ABCA2: variants seen among roughly 807,000 people sequenced by gnomAD.
The protein encoded by ABCA2 is ATP-binding cassette sub-family A member 2.
A neutral mutation model predicts 262.8 loss-of-function variants in ABCA2; 84 were observed. The observed-to-expected ratio is 0.32, with a 90% CI of 0.27 to 0.38. The LOEUF is 0.38. Among genes scored for constraint, ABCA2 ranks in the 10% least tolerant of loss-of-function variants. ABCA2 has a pLI of 1.00. For synonymous variants in ABCA2, 1,696 were observed against 1,502.9 expected (o/e 1.13, Z -2.97); for missense variants, 2,662 against 3,405.9 (o/e 0.78, Z 5.44).
chr9:137,009,332 G>C, intron 45 of ABCA2, 38 bp downstream of exon 45: 10 of 980,354 alleles, frequency 1.0e-5, no homozygotes, highest in South Asian at 5.6e-5. Flanking sequence ...CCCCCCCCGG[G>C]CCCGCCCCAG....
In ABCA2 at chr9:137,011,528, G is replaced by T; in HGVS notation, c.5678C>A (p.Pro1893Gln). 6.3e-7 allele frequency: 1 copy of T among 1,590,354 alleles called. No individual in the cohort carries two copies. Among genetic ancestry groups the T allele is most frequent in the Non-Finnish European group, 8.6e-7 (1 of 1,168,532 alleles). ...YGWSITPIMY[P>Q]ASFWFEVPSS... ...GGGGACCTCGAACCAGAAGGAGGCCGGGTACATGATGGGCGTGATGGACCA... is the reference window on the plus strand; with the variant it reads ...GGGGACCTCGAACCAGAAGGAGGCCTGGTACATGATGGGCGTGATGGACCA... Residue 1893 changes from proline (P) to glutamine (Q), a missense_variant, in exon 37 of 49, where the codon CCG becomes CAG. By Grantham distance (76) the Pro-to-Gln change is moderately conservative (BLOSUM62 -1). This residue lies in a region of ABCA2 where 602 missense variants were observed against 897.4 expected (regional missense o/e 0.67). Transcript: ENST00000341511. The surrounding 1 kb of genome is among the most constrained non-coding windows in gnomAD (Gnocchi z 8.8).
At position 137,019,140 on chromosome 9, in the gene ABCA2, C is replaced by T. The variant is rs746767961; in HGVS notation, c.1554+38G>A. ...GCCGGGCAGAGAGGGGCTCCCCACA[C>T]CACCCACAGCCGCCTCCCTCGCGGG... On this transcript the variant is annotated intron_variant, in intron 11 of 48. Coordinates refer to ENST00000341511, the MANE Select transcript of ABCA2 (RefSeq NM_001606.5). The surrounding 1 kb of genome is among the most constrained non-coding windows in gnomAD (Gnocchi z 4.4). 6.2e-7 allele frequency: 1 copy of T among 1,604,298 alleles called. No homozygotes were observed. The highest frequency in any genetic ancestry group is 8.5e-7 in the Non-Finnish European group (1 of 1,174,138).
intron 1 of ABCA2, among the ~76,000 whole-genome samples, chr9:137,026,044 G>C (rs1340427067): frequency 6.6e-6 from 1 of 152,188 alleles, no homozygotes; most frequent in East Asian, 1.9e-4. Context: ...CGCCTACTGT[G>C]TCGGGGGGAG....
intron 45 of ABCA2, 136 bp downstream of exon 45, chr9:137,009,234 C>T (rs557400743): frequency 8.3e-6 from 6 of 719,738 alleles, no homozygotes; most frequent in African/African-American, 1.8e-5. Context: ...TGCCCCAGTC[C>T]CCCCAGCCCC....
chr9:137,021,723 C>A lies in ABCA2; in HGVS notation c.679-113G>T, dbSNP rs1831460205. 3 of 1,283,602 alleles carry A rather than the reference C, an allele frequency of 2.3e-6. No homozygotes were observed. The highest frequency in any genetic ancestry group is 3.0e-5 in the African/African-American group (2 of 67,644). The allele number at this position is 1,283,602 out of a possible 1,614,324, so 79.5% of individuals were successfully genotyped here. On this transcript the variant is annotated intron_variant, in intron 7 of 48. Transcript: ENST00000341511. The surrounding 1 kb of genome is among the most constrained non-coding windows in gnomAD (Gnocchi z 6.0). ...TGGCTGGCTCTGGGGCTGCCTGGGTCCCACGACATGCCTCTACCCCTCATG... is the reference window on the plus strand; with the variant it reads ...TGGCTGGCTCTGGGGCTGCCTGGGTACCACGACATGCCTCTACCCCTCATG...
At chr9:137,017,400 G>A in intron 17 of ABCA2, 54 bp from the exon 18 acceptor site, 1 of 1,606,982 alleles carries the variant, frequency 6.2e-7, no homozygotes, top group Non-Finnish European at 8.5e-7. Flanking sequence ...CCGGCCTCCT[G>A]GGCAGGCCCG....
chr9:137,023,791 C>G lies in ABCA2; in HGVS notation c.163+47G>C, dbSNP rs796767362. ...AAGCCAGGACGGCCCATGGGCCCCC[C>G]GCAGCTGCTGCCCAGGCCAGCCAGG... On this transcript the variant is annotated intron_variant, in intron 3 of 48. Transcript: ENST00000341511. 15 of 739,074 alleles carry G rather than the reference C, an allele frequency of 2.0e-5. No individual in the cohort carries two copies. The African/African-American group carries it at 2.6e-4, about 13-fold the overall frequency. 45.8% of individuals were successfully genotyped at this position (739,074 alleles called of 1,614,324 possible).
At chr9:137,018,692 T>A (rs1321825871) in intron 13 of ABCA2, 27 bp downstream of exon 13, 2 of 886,988 alleles carry the variant, frequency 2.3e-6, no homozygotes, top group Admixed American at 3.9e-5. Flanking sequence ...TGTGGGGGGC[T>A]GGGGCGGGGC....
chr9:137,016,278 C>G lies in ABCA2; in HGVS notation c.3104+13G>C. ...TCAGCAGATGCCCACCGCCCTGCCC[C>G]TCCGACACTCACATGGTGGTGGTCT... On this transcript the variant is annotated intron_variant, in intron 21 of 48. Coordinates refer to ENST00000341511, the MANE Select transcript of ABCA2 (RefSeq NM_001606.5). 6.2e-7 allele frequency: 1 copy of G among 1,612,358 alleles called. No individual in the cohort carries two copies. The highest frequency in any genetic ancestry group is 8.5e-7 in the Non-Finnish European group (1 of 1,179,764).
In ABCA2 at chr9:137,016,186, G is replaced by A. The variant is rs1336072849; in HGVS notation, c.3105-12C>T. 6 of 1,612,258 alleles carry A rather than the reference G, an allele frequency of 3.7e-6. No homozygotes were observed. Among genetic ancestry groups the A allele is most frequent in the Non-Finnish European group, 5.1e-6 (6 of 1,179,754 alleles). On this transcript the variant is annotated splice_polypyrimidine_tract_variant and intron_variant, in intron 21 of 48. Coordinates refer to ENST00000341511, the MANE Select transcript of ABCA2 (RefSeq NM_001606.5). ...CGGTCAGGATGGACCTGGGTAGGTGGGCGGGGTCATGACCCCACGCCCTCT... is the reference window on the plus strand; with the variant it reads ...CGGTCAGGATGGACCTGGGTAGGTGAGCGGGGTCATGACCCCACGCCCTCT...
chr9:137,013,423 G>A (rs756459918), intron 29 of ABCA2, 38 bp downstream of exon 29: 48 of 1,485,778 alleles, frequency 3.2e-5, no homozygotes, highest in South Asian at 3.0e-4. Context: ...CCCTTCACTC[G>A]CCCCACCCAC....
rs778313929 is a variant in ABCA2, at chr9:137,021,980, G to C, written c.589C>G (p.Pro197Ala). 3.8e-6 allele frequency: 6 copies of C among 1,591,692 alleles called. No individual in the cohort carries two copies. The highest frequency in any genetic ancestry group is 5.1e-6 in the Non-Finnish European group (6 of 1,171,612). The change falls in exon 7 of 49, where the codon CCC becomes GCC. Residue 197 changes from proline (P) to alanine (A), a missense_variant. This residue lies in a region of ABCA2 where 403 missense variants were observed against 375.9 expected (regional missense o/e 1.07). Coordinates refer to ENST00000341511, the MANE Select transcript of ABCA2 (RefSeq NM_001606.5). The surrounding 1 kb of genome is among the most constrained non-coding windows in gnomAD (Gnocchi z 6.0). ...GACTGTGAATCCAGGGCAGATGAGGGACCAAAGAGCAGGTGGTAGACCTAG... is the reference window on the plus strand; with the variant it reads ...GACTGTGAATCCAGGGCAGATGAGGCACCAAAGAGCAGGTGGTAGACCTAG... The part of the protein sequence containing the change: ...PPEVYHLLFG[P>A]SSALDSQSGL...
chr9:137,020,862 C>T lies in ABCA2; in HGVS notation c.1097G>A (p.Gly366Glu), dbSNP rs1366603796. Reference protein sequence around the residue: ...TPGPPASGAGGAANGTGAGAV... With the variant: ...TPGPPASGAGEAANGTGAGAV... ...CCCTGCCCCAGTGCCATTGGCCGCC[C>T]CACCCGCACCACTGGCTGGGGGTCC... Residue 366 changes from glycine to glutamate, a missense_variant, in exon 9 of 49, where the codon GGG (glycine) becomes GAG (glutamate). This residue lies in a region of ABCA2 where 403 missense variants were observed against 375.9 expected (regional missense o/e 1.07). Coordinates refer to ENST00000341511, the MANE Select transcript of ABCA2 (RefSeq NM_001606.5). The T allele has an allele frequency of 1.3e-6, 2 of 1,543,394 alleles. No homozygotes were observed. The highest frequency in any genetic ancestry group is 2.7e-5 in the African/African-American group (2 of 73,036).
intron 24 of ABCA2, 47 bp downstream of exon 24, chr9:137,015,367 C>G: frequency 6.6e-7 from 1 of 1,516,908 alleles, no homozygotes; most frequent in Middle Eastern, 2.4e-4. Context: ...GTGGGGGTCC[C>G]GGGGAGAAGG....
Position 137,018,315 on chromosome 9 carries a change from G to T in ABCA2, c.1856C>A (p.Pro619Gln). ...IFQTRKDGSL[P>Q]PHVHYKIRQN... Reference sequence around the variant, plus strand: ...GCGGATCTTGTAGTGCACGTGAGGCGGGAGCGAGCCGTCCTTCCGGGTCTG... The same window carrying T: ...GCGGATCTTGTAGTGCACGTGAGGCTGGAGCGAGCCGTCCTTCCGGGTCTG... Residue 619 changes from proline (P) to glutamine (Q), a missense_variant, in exon 14 of 49, where the codon CCG becomes CAG. By Grantham distance (76) the Pro-to-Gln change is moderately conservative. Around this residue, in one of 12 missense-constraint regions of ABCA2, gnomAD observed 187 missense variants for 205.9 expected, o/e 0.91. Transcript: ENST00000341511. 1 of 1,605,770 alleles carries T rather than the reference G, an allele frequency of 6.2e-7. No homozygotes were observed.
At chr9:137,028,624 C>T, upstream of ABCA2, 1 of 1,096,146 alleles carries the variant, frequency 9.1e-7, no homozygotes, top group South Asian at 2.0e-5. This position sits in a 1 kb window ranked among gnomAD's most constrained non-coding sequence, Gnocchi z 6.9. Context: ...CCCCGGGGCG[C>T]GCCGAGCGGA....
chr9:137,021,194 G>GT lies in ABCA2; in HGVS notation c.898-134dup, dbSNP rs2131463069. 7.3e-7 allele frequency: 1 copy of GT among 1,367,590 alleles called. No individual in the cohort carries two copies. Among genetic ancestry groups the GT allele is most frequent in the African/African-American group, 1.5e-5 (1 of 68,430 alleles). The allele number at this position is 1,367,590 out of a possible 1,614,324, so 84.7% of individuals were successfully genotyped here. A position where few individuals can be genotyped will look rare whatever the true frequency, so the allele number is the denominator to read the frequency against. ...TGCTGGGAGGGAGTCTGCAGCCTGG[G>GT]TAACGGGAGCCCAGGACAGGAGCTG... On this transcript the variant is annotated intron_variant, in intron 8 of 48. Transcript: ENST00000341511. The surrounding 1 kb of genome is among the most constrained non-coding windows in gnomAD (Gnocchi z 6.0).
chr9:137,015,357 G>A, intron 24 of ABCA2, 57 bp downstream of exon 24: 9 of 1,502,020 alleles, frequency 6.0e-6, no homozygotes, highest in Non-Finnish European at 7.1e-6. Flanking sequence ...GGATTCTCAG[G>A]TGGGGGTCCC....
rs776711308 is a variant in ABCA2, at chr9:137,020,802, C to A, written c.1157G>T (p.Gly386Val). 4 of 1,578,942 alleles carry A rather than the reference C, an allele frequency of 2.5e-6. No individual in the cohort carries two copies. The South Asian group carries it at 4.6e-5, about 18-fold the overall frequency. ...VMGPNATAEEGAPSAAALATP... is the reference protein window; with the variant it reads ...VMGPNATAEEVAPSAAALATP... ...GGCCAGTGCTGCAGCAGAGGGTGCG[C>A]CCTCCTCAGCGGTGGCGTTGGGGCC... is the stretch of plus-strand genomic sequence containing the variant. Residue 386 changes from glycine (G) to valine (V), a missense_variant, in exon 9 of 49, where the codon GGC (glycine) becomes GTC (valine). By Grantham distance (109) the Gly-to-Val change is moderately radical. This residue lies in a region of ABCA2 where 403 missense variants were observed against 375.9 expected (regional missense o/e 1.07). Coordinates refer to ENST00000341511, the MANE Select transcript of ABCA2 (RefSeq NM_001606.5).
Sources: allele counts gnomAD v4.1 joint callset (sites outside exome capture counted in the v4.1 genomes callset), GRCh38; gene constraint gnomAD v4.1.1; regional missense constraint gnomAD v4.1.1; non-coding constraint Gnocchi (gnomAD v3.1); transcripts MANE v1.5; gene names NCBI Gene and HGNC (gene_info 2026-07-23, HGNC 2026-07-21).